The following MAGED1 variants were observed in gnomAD, a reference collection of about 807,000 sequenced individuals.
The protein encoded by MAGED1 is melanoma-associated antigen D1.
In MAGED1, 3 loss-of-function variants were observed where a neutral mutation model predicts 54.1. The ratio of observed to expected loss-of-function variants is 0.06; its 90% CI spans 0.03 to 0.14. The LOEUF (loss-of-function observed/expected upper bound fraction) is 0.14, where lower values mean the gene tolerates loss of function less well. MAGED1 is among the 10% of genes least tolerant of loss of function. The pLI is 1.00. For missense variants in MAGED1, 485 were observed against 623.4 expected, an observed-to-expected ratio of 0.78 and a Z score of 2.36; for synonymous variants, 217 against 227.3, an observed-to-expected ratio of 0.95 and a Z score of 0.41.
intron 1 of MAGED1, among the ~76,000 whole-genome samples, chrX:51,879,090 A>G (rs953885549): frequency 8.9e-6 from 1 of 111,836 alleles, no homozygotes; most frequent in African/African-American, 3.2e-5. Flanking sequence ...CTGTATCTTT[A>G]TGTTTAAGAT....
In MAGED1 at chrX:51,896,607, C is replaced by T. The variant is rs1557364283; in HGVS notation, c.952C>T (p.Pro318Ser). 2 of 1,211,960 alleles carry T rather than the reference C, an allele frequency of 1.7e-6. No homozygotes were observed. The highest frequency in any genetic ancestry group is 3.5e-5 in the South Asian group (2 of 56,975). The change falls in exon 4 of 13, where the codon CCA becomes TCA. Residue 318 changes from proline to serine, a missense_variant. Around this residue, in one of 2 missense-constraint regions of MAGED1, gnomAD observed 299 missense variants for 293.1 expected, o/e 1.02. Coordinates refer to ENST00000326587, the MANE Select transcript of MAGED1 (RefSeq NM_006986.4). ...AAACCAGACAGCCAGGCAGACCCCACCAGCACGTCAGAGCCCTCCAGCTAG... is the reference window on the plus strand; with the variant it reads ...AAACCAGACAGCCAGGCAGACCCCATCAGCACGTCAGAGCCCTCCAGCTAG... ...WQNQTARQTP[P>S]ARQSPPARQT...
intron 1 of MAGED1, among the ~76,000 whole-genome samples, chrX:51,804,711 TAAA>T (rs1924968936): frequency 9.2e-6 from 1 of 109,205 alleles, no homozygotes; most frequent in South Asian, 3.9e-4. Flanking sequence ...CATGAAGAAA[TAAA>T]AAAGAAAAAA....
At chrX:51,899,118 C>G (rs1347483155) in intron 10 of MAGED1, 1 of 112,928 alleles carries the variant, frequency 8.9e-6, no homozygotes, top group African/African-American at 3.2e-5. Context: ...ATTGCATATA[C>G]TCCTCATGGT....
At chrX:51,886,218 A>G (rs1486111155) in intron 1 of MAGED1, among the ~76,000 whole-genome samples, 1 of 109,445 alleles carries the variant, frequency 9.1e-6, no homozygotes, top group African/African-American at 3.3e-5. Flanking sequence ...CAGTAGCACA[A>G]TACAGTGACT....
intron 2 of MAGED1, 76 bp downstream of exon 2, chrX:51,894,425 A>G (rs1928602524): frequency 1.0e-6 from 1 of 995,579 alleles, no homozygotes; most frequent in East Asian, 3.3e-5. Flanking sequence ...TTGGTCTCCC[A>G]AACGCCGGGA....
intron 1 of MAGED1, among the ~76,000 whole-genome samples, chrX:51,862,114 T>C (rs782115119): frequency 5.3e-4 from 59 of 111,730 alleles, no homozygotes; most frequent in East Asian, 2.0e-3. Context: ...ATTTCCACTT[T>C]ATCCCTAATA....
chrX:51,866,678 A>G (rs1371441563), intron 1 of MAGED1, among the ~76,000 whole-genome samples: 15 of 112,513 alleles, frequency 1.3e-4, no homozygotes, highest in Admixed American at 6.6e-4. Flanking sequence ...AGAGCATTCT[A>G]TAAGACTAAA....
rs1204675127 is a variant in MAGED1, at chrX:51,900,405, G to A, written c.1959+109G>A. 2.2e-5 allele frequency: 12 copies of A among 533,775 alleles called. No individual in the cohort carries two copies. The East Asian group carries it at 2.7e-4, about 12-fold the overall frequency. The allele number at this position is 533,775 out of a possible 1,213,427, so 44.0% of individuals were successfully genotyped here. A position where few individuals can be genotyped will look rare whatever the true frequency, so the allele number is the denominator to read the frequency against. ...CTAGGTGTGGCAGGTGGTAGGTGCC[G>A]CATTGCTGGTGGTATTTGTTGTTGC... On this transcript the variant is annotated intron_variant, in intron 11 of 12. Transcript: ENST00000326587.
intron 1 of MAGED1, among the ~76,000 whole-genome samples, chrX:51,874,807 T>C (rs1927809689): frequency 9.0e-6 from 1 of 110,938 alleles, no homozygotes; most frequent in South Asian, 3.8e-4. Context: ...GTCCTATTTT[T>C]CTGCTTCTTG....
In MAGED1 at chrX:51,897,355, C is replaced by G. The variant is rs1928808124; in HGVS notation, c.1486+84C>G. ...AGCATTCTTCTGCTTGTAGCTCTGC[C>G]CTTCCCTTCACTCCATGCTCTGTCG... is the stretch of plus-strand genomic sequence containing the variant. On this transcript the variant is annotated intron_variant, in intron 5 of 12. Coordinates refer to ENST00000326587, the MANE Select transcript of MAGED1 (RefSeq NM_006986.4). 9 of 945,277 alleles carry G rather than the reference C, an allele frequency of 9.5e-6. No homozygotes were observed. The East Asian group carries it at 2.8e-4, about 29-fold the overall frequency. The allele number at this position is 945,277 out of a possible 1,213,427, so 77.9% of individuals were successfully genotyped here.
chrX:51,887,443 TACTG>T (rs1172469251), intron 1 of MAGED1, among the ~76,000 whole-genome samples: 1 of 111,941 alleles, frequency 8.9e-6, no homozygotes, highest in African/African-American at 3.3e-5. Context: ...AATTTGAGAC[TACTG>T]ACTATTATAA....
At chrX:51,816,335 G>A (rs1925422904) in intron 1 of MAGED1, among the ~76,000 whole-genome samples, 1 of 110,904 alleles carries the variant, frequency 9.0e-6, no homozygotes, top group South Asian at 3.8e-4. Context: ...GGCTGGTCTC[G>A]AACTCTTGGC....
rs782166963 is a variant in MAGED1, at chrX:51,895,636, C to G, written c.629C>G (p.Ala210Gly). The change falls in exon 3 of 13, where the codon GCT becomes GGT. Residue 210 changes from alanine (A) to glycine (G), a missense_variant. Coordinates refer to ENST00000326587, the MANE Select transcript of MAGED1 (RefSeq NM_006986.4). The stretch of plus-strand genomic sequence containing the variant: ...CAGGCCAAAATGGCCACTTCCCAGG[C>G]TGACATAGAGACCGACCCAGGTATC... ...VNQAKMATSQ[A>G]DIETDPGISE... 1.7e-6 allele frequency: 2 copies of G among 1,209,271 alleles called. No homozygotes were observed. Among genetic ancestry groups the G allele is most frequent in the African/African-American group, 1.7e-5 (1 of 57,292 alleles).
chrX:51,826,719 C>T (rs1316262254), intron 1 of MAGED1, among the ~76,000 whole-genome samples: 1 of 112,467 alleles, frequency 8.9e-6, no homozygotes, highest in East Asian at 2.8e-4. Flanking sequence ...ATCCAAAACA[C>T]TAAGAACATC....
At chrX:51,893,517 T>C (rs1313385052), upstream of MAGED1, 2 of 113,766 alleles carry the variant, frequency 1.8e-5, no homozygotes, top group African/African-American at 6.4e-5. Flanking sequence ...GACGAAGCTT[T>C]TGTTGGGAAA....
intron 2 of MAGED1, 126 bp from the exon 3 acceptor site, chrX:51,894,927 C>G: frequency 1.1e-6 from 1 of 916,388 alleles, no homozygotes; most frequent in Non-Finnish European, 1.5e-6. Context: ...GCCTCAGCCC[C>G]CCTGTTTTTG....
At position 51,873,534 on chromosome X, in the gene MAGED1, T is replaced by TGAGAGAGAGA. The variant is rs34476955; in HGVS notation, c.-36-20718_-36-20709dup. Among the ~76,000 whole-genome samples the TGAGAGAGAGA allele has an allele frequency of 2.3e-3, 211 of 90,574 alleles. 1 individual carries two copies. The highest frequency in any genetic ancestry group is 8.3e-3 in the African/African-American group (200 of 24,235). 78.7% of individuals were successfully genotyped at this position (90,574 alleles called of 115,157 possible). On this transcript the variant is annotated intron_variant, in intron 1 of 12. Transcript: ENST00000375772. ...TAGACTGTGTGTGTGTGTGTGTGTG[T>TGAGAGAGAGA]GAGAGAGAGAGAGAGAGAGAGAGAG...
intron 3 of MAGED1, 85 bp from the exon 4 acceptor site, chrX:51,896,324 T>G: frequency 1.2e-6 from 1 of 861,151 alleles, no homozygotes; most frequent in Non-Finnish European, 1.6e-6. Flanking sequence ...TCACTACAGG[T>G]GAGGGTTTAG....
intron 10 of MAGED1, 117 bp from the exon 11 acceptor site, chrX:51,900,065 A>G (rs1928940889): frequency 1.4e-5 from 7 of 503,281 alleles, no homozygotes; most frequent in Non-Finnish European, 2.5e-5. Flanking sequence ...GTGTTCAGGA[A>G]TGAGCCCAAG....
Sources: gnomAD v4.1 joint callset for allele counts (sites outside exome capture counted in the v4.1 genomes callset) on GRCh38, gnomAD v4.1.1 for gene constraint, gnomAD v4.1.1 regional missense constraint, MANE v1.5 for transcripts, NCBI Gene and HGNC (gene_info 2026-07-23, HGNC 2026-07-21) for gene names.